OLFM3: variants seen among roughly 807,000 people sequenced by gnomAD.
The protein encoded by OLFM3 is olfactomedin 3.
In OLFM3, 20 loss-of-function variants were observed where a neutral mutation model predicts 48.6. The observed-to-expected ratio is 0.41, with a 90% CI of 0.29 to 0.60. The LOEUF (loss-of-function observed/expected upper bound fraction) is 0.60. Among genes scored for constraint, OLFM3 ranks in the 20% least tolerant of loss-of-function variants. OLFM3 has a pLI of 0.28. For synonymous variants in OLFM3, 222 were observed against 198.1 expected, an observed-to-expected ratio of 1.12 and a Z score of -1.01; for missense variants, 437 against 544.3, an observed-to-expected ratio of 0.80 and a Z score of 1.96.
chr1:101,890,842 T>C (rs551811844), intron 1 of OLFM3, among the ~76,000 whole-genome samples: 1 of 152,084 alleles, frequency 6.6e-6, no homozygotes, highest in South Asian at 2.1e-4. Context: ...TGGGAAGATT[T>C]GAGTACTAAT....
chr1:101,994,212 T>C (rs116229190), intron 1 of OLFM3, among the ~76,000 whole-genome samples: 4,073 of 151,168 alleles, frequency 0.027, 68 homozygotes, highest in Admixed American at 0.034. Context: ...TATATACATA[T>C]ATAAAATAAA....
At chr1:101,856,247 A>G (rs1233637788) in intron 1 of OLFM3, among the ~76,000 whole-genome samples, 1 of 151,988 alleles carries the variant, frequency 6.6e-6, no homozygotes, top group African/African-American at 2.4e-5. Context: ...TAAGTCAGGC[A>G]CTATTTATCA....
chr1:101,907,520 T>TAGCAGAATTGCAGAAGCGACCC, intron 1 of OLFM3, among the ~76,000 whole-genome samples: 1 of 152,316 alleles, frequency 6.6e-6, no homozygotes. Flanking sequence ...TGATGCTAAT[T>TAGCAGAATTGCAGAAGCGACCC]AGCAGAATTG....
chr1:101,857,801 C>T lies in OLFM3; in HGVS notation c.70-20776G>A, dbSNP rs189745814. Among the ~76,000 whole-genome samples the T allele has an allele frequency of 1.6e-3, 241 of 152,006 alleles. 1 individual carries two copies. The highest frequency in any genetic ancestry group is 2.5e-3 in the Non-Finnish European group (171 of 67,982). The stretch of plus-strand genomic sequence containing the variant: ...ATTTAAGTATGGTTTCCAAGAATTC[C>T]CCAGGTAATTTTGATGTGCTCTCAT... On this transcript the variant is annotated intron_variant, in intron 1 of 5. Coordinates refer to ENST00000370103, the MANE Select transcript of OLFM3 (RefSeq NM_058170.4).
chr1:101,983,945 C>T (rs1030824405), intron 1 of OLFM3, among the ~76,000 whole-genome samples: 2 of 152,184 alleles, frequency 1.3e-5, no homozygotes, highest in Non-Finnish European at 2.9e-5. Context: ...AAAATTGAAT[C>T]ATAGTCATCA....
chr1:101,871,830 T>A (rs921626910), intron 1 of OLFM3, among the ~76,000 whole-genome samples: 1 of 152,082 alleles, frequency 6.6e-6, no homozygotes, highest in African/African-American at 2.4e-5. Context: ...GAATTTACAT[T>A]AAAATTATTT....
At chr1:101,805,058 G>A (rs1407421478) in intron 5 of OLFM3, 143 bp from the exon 6 acceptor site, 11 of 639,020 alleles carry the variant, frequency 1.7e-5, no homozygotes, top group Admixed American at 3.0e-5. Context: ...CTGCCGCAAT[G>A]TATTTCAGGC....
At chr1:101,938,084 G>A (rs758031911) in intron 1 of OLFM3, among the ~76,000 whole-genome samples, 41 of 152,110 alleles carry the variant, frequency 2.7e-4, no homozygotes, top group Non-Finnish European at 4.4e-4. Context: ...CAAATTTAAC[G>A]TAGAAATCAA....
At chr1:101,937,623 G>C (rs1659664294) in intron 1 of OLFM3, among the ~76,000 whole-genome samples, 1 of 152,102 alleles carries the variant, frequency 6.6e-6, no homozygotes, top group Non-Finnish European at 1.5e-5. Context: ...CTTGCCTTCT[G>C]CCATGCTTTT....
chr1:101,808,775 T>G (rs1653906028), intron 4 of OLFM3, among the ~76,000 whole-genome samples: 1 of 151,766 alleles, frequency 6.6e-6, no homozygotes, highest in Admixed American at 6.6e-5. Context: ...TGTTCAAAAC[T>G]TTAAAAATAT....
intron 2 of OLFM3, among the ~76,000 whole-genome samples, chr1:101,831,278 C>G (rs1466830419): frequency 6.6e-6 from 1 of 152,104 alleles, no homozygotes; most frequent in African/African-American, 2.4e-5. Flanking sequence ...TTCATTCTAG[C>G]TCAGTAAGTT....
At chr1:101,855,219 C>T (rs1213062951) in intron 1 of OLFM3, among the ~76,000 whole-genome samples, 1 of 152,030 alleles carries the variant, frequency 6.6e-6, no homozygotes, top group Admixed American at 6.6e-5. Flanking sequence ...GTCAGCCAGG[C>T]ACTATTCTAA....
At chr1:101,989,848 C>T (rs1188720284) in intron 1 of OLFM3, among the ~76,000 whole-genome samples, 1 of 152,160 alleles carries the variant, frequency 6.6e-6, no homozygotes. Flanking sequence ...GGTCTTTTCT[C>T]CATGACCCTC....
chr1:101,925,476 AGTGTGT>A (rs756706376), intron 1 of OLFM3, among the ~76,000 whole-genome samples: 2 of 149,716 alleles, frequency 1.3e-5, no homozygotes, highest in Non-Finnish European at 3.0e-5. Context: ...TGTGTATGTG[AGTGTGT>A]GTGTGTGTGT....
chr1:101,886,179 A>G (rs1278916870), intron 1 of OLFM3, among the ~76,000 whole-genome samples: 1 of 152,040 alleles, frequency 6.6e-6, no homozygotes, highest in Non-Finnish European at 1.5e-5. Flanking sequence ...TGCAAAAATG[A>G]GAAGGTTGCA....
intron 4 of OLFM3, among the ~76,000 whole-genome samples, chr1:101,811,670 TAA>T (rs1654058082): frequency 1.3e-5 from 2 of 152,082 alleles, no homozygotes; most frequent in South Asian, 4.1e-4. Context: ...TGGCAATCAT[TAA>T]AAAGTCAGGA....
chr1:101,952,091 A>G (rs1660160584), intron 1 of OLFM3, among the ~76,000 whole-genome samples: 1 of 152,132 alleles, frequency 6.6e-6, no homozygotes, highest in African/African-American at 2.4e-5. Context: ...AAAAGTCACT[A>G]TTTATTAACT....
At chr1:101,905,981 T>A (rs1245439139) in intron 1 of OLFM3, among the ~76,000 whole-genome samples, 1 of 152,144 alleles carries the variant, frequency 6.6e-6, no homozygotes, top group Non-Finnish European at 1.5e-5. Context: ...TCAGTGAAGA[T>A]GAGGGAAAAC....
chr1:101,926,924 C>G (rs1659290402), intron 1 of OLFM3, among the ~76,000 whole-genome samples: 1 of 152,056 alleles, frequency 6.6e-6, no homozygotes, highest in Non-Finnish European at 1.5e-5. Flanking sequence ...CTAGCATTAC[C>G]TTCTGGGAAA....
Sources: allele counts gnomAD v4.1 joint callset (sites outside exome capture counted in the v4.1 genomes callset), GRCh38; gene constraint gnomAD v4.1.1; transcripts MANE v1.5; gene names NCBI Gene and HGNC (gene_info 2026-07-23, HGNC 2026-07-21).